Variants in TMEM245 observed in about 807,000 individuals in gnomAD.
The protein encoded by TMEM245 is protein CG-2.
TMEM245 carries 69 observed loss-of-function variants against 101.2 expected under a neutral mutation model. That is an observed-to-expected ratio of 0.68 (90% CI 0.56 to 0.83). The LOEUF is 0.83. Ranked by LOEUF, TMEM245 falls within the 40% of genes least tolerant of loss-of-function variation. The probability of loss-of-function intolerance (pLI) is 0.00; values close to 1 mark genes in which losing one functional copy is unlikely to be tolerated. For missense variants in TMEM245, 1,075 were observed against 1,092.8 expected, an observed-to-expected ratio of 0.98 and a Z score of 0.23; for synonymous variants, 537 against 449.8, an observed-to-expected ratio of 1.19 and a Z score of -2.45.
chr9:109,108,795 G>T (rs986798409), intron 1 of TMEM245, among the ~76,000 whole-genome samples: 7 of 152,084 alleles, frequency 4.6e-5, no homozygotes, highest in African/African-American at 1.7e-4. Flanking sequence ...TTAAATAGTT[G>T]TTTAACAAAA....
At chr9:109,076,336 T>C (rs1588054999) in intron 8 of TMEM245, among the ~76,000 whole-genome samples, 3 of 129,764 alleles carry the variant, frequency 2.3e-5, no homozygotes, top group South Asian at 2.5e-4. Context: ...ACAATGAGAA[T>C]ACATGGACAC....
chr9:109,119,600 C>A lies in TMEM245; in HGVS notation c.314G>T (p.Gly105Val). The A allele has an allele frequency of 6.4e-7, 1 of 1,554,456 alleles. No homozygotes were observed. Among genetic ancestry groups the A allele is most frequent in the Non-Finnish European group, 8.7e-7 (1 of 1,153,860 alleles). The change falls in exon 1 of 18, where the codon GGC becomes GTC. Residue 105 changes from glycine to valine, a missense_variant. Transcript: ENST00000374586. ...HPFKSSLTRL[G>V]RHWLQRLHRA... is the part of the protein sequence containing the mutation. ...GTGCAGGCGCTGCAGCCAGTGGCGG[C>A]CCAGGCGCGTCAGCGAGCTCTTGAA...
In TMEM245 at chr9:109,119,828, G is replaced by A; in HGVS notation, c.86C>T (p.Pro29Leu). The A allele has an allele frequency of 1.5e-6, 2 of 1,364,332 alleles. No individual in the cohort carries two copies. Among genetic ancestry groups the A allele is most frequent in the Non-Finnish European group, 1.9e-6 (2 of 1,068,144 alleles). The allele number at this position is 1,364,332 out of a possible 1,614,324, so 84.5% of individuals were successfully genotyped here. A position where few individuals can be genotyped will look rare whatever the true frequency, so the allele number is the denominator to read the frequency against. ...CGGGGTCTCCCCGCCACCGCCACTC[G>A]GCCCGACCGCGCGCGGGACCCGCGG... ...PAPRVPRAVG[P>L]SGGGGETPRT... is the part of the protein sequence containing the mutation. Residue 29 changes from proline to leucine, a missense_variant, in exon 1 of 18, where the codon CCG becomes CTG. Around this residue, in one of 2 missense-constraint regions of TMEM245, gnomAD observed 808 missense variants for 741.5 expected, o/e 1.09. Transcript: ENST00000374586.
chr9:109,059,199 G>A (rs1267996479), intron 11 of TMEM245, among the ~76,000 whole-genome samples: 1 of 152,124 alleles, frequency 6.6e-6, no homozygotes, highest in Non-Finnish European at 1.5e-5. Flanking sequence ...TACTCACCTA[G>A]ATATTCCCTG....
chr9:109,031,672 T>G (rs977833540), intron 17 of TMEM245, among the ~76,000 whole-genome samples: 1 of 152,176 alleles, frequency 6.6e-6, no homozygotes, highest in Admixed American at 6.5e-5. Flanking sequence ...TACCTTGATA[T>G]GAGTAGTGGT....
chr9:109,119,034 G>A (rs1588088486), intron 1 of TMEM245, among the ~76,000 whole-genome samples: 2 of 152,296 alleles, frequency 1.3e-5, no homozygotes, highest in Middle Eastern at 6.8e-3. Flanking sequence ...GCCATGCTCT[G>A]AGGCCTCTCT....
intron 12 of TMEM245, among the ~76,000 whole-genome samples, chr9:109,050,928 A>G (rs183311960): frequency 1.3e-5 from 2 of 152,196 alleles, no homozygotes; most frequent in East Asian, 3.9e-4. Flanking sequence ...AATTAAAAAC[A>G]TCACTGTTAT....
intron 17 of TMEM245, among the ~76,000 whole-genome samples, chr9:109,032,365 C>CTTTTTTTTCTTTT (rs1827975471): frequency 2.4e-5 from 1 of 40,960 alleles, no homozygotes; most frequent in Non-Finnish European, 4.4e-5. Context: ...ATTTCTTTTC[C>CTTTTTTTTCTTTT]TTTTTTTTTT....
In TMEM245 at chr9:109,114,366, C is replaced by T. The variant is rs528601363; in HGVS notation, c.579+4969G>A. ...GTGTTTAAAAGTAGAACGGTGTCAGCAGTGAATGGCTGACTAACGTCCACT... is the reference window on the plus strand; with the variant it reads ...GTGTTTAAAAGTAGAACGGTGTCAGTAGTGAATGGCTGACTAACGTCCACT... On this transcript the variant is annotated intron_variant, in intron 1 of 17. Transcript: ENST00000374586. Among the ~76,000 whole-genome samples, 9 of 152,316 alleles carry T rather than the reference C, an allele frequency of 5.9e-5. No homozygotes were observed. In the South Asian group the frequency reaches 1.4e-3, roughly 25 times the overall value.
At chr9:109,028,269 G>A (rs141598325) in intron 17 of TMEM245, among the ~76,000 whole-genome samples, 3,525 of 151,858 alleles carry the variant, frequency 0.023, 78 homozygotes, top group Middle Eastern at 0.048. Context: ...GGCCAACATG[G>A]TGAAATCCCA....
intron 15 of TMEM245, among the ~76,000 whole-genome samples, chr9:109,037,729 C>G (rs1236741538): frequency 6.6e-6 from 1 of 152,160 alleles, no homozygotes; most frequent in Non-Finnish European, 1.5e-5. Flanking sequence ...GCCAATTAAA[C>G]CTCTTCTTTA....
At chr9:109,086,157 A>G (rs920527459) in intron 6 of TMEM245, 137 bp from the exon 7 acceptor site, 13 of 820,600 alleles carry the variant, frequency 1.6e-5, no homozygotes, top group Non-Finnish European at 2.6e-5. Flanking sequence ...TAGGGACGGA[A>G]AAACTGTAAC....
chr9:109,106,812 C>T (rs1830437457), intron 2 of TMEM245, among the ~76,000 whole-genome samples: 1 of 152,020 alleles, frequency 6.6e-6, no homozygotes, highest in Non-Finnish European at 1.5e-5. Flanking sequence ...CTCTCAGAGG[C>T]CCCTGGTCAA....
intron 3 of TMEM245, among the ~76,000 whole-genome samples, chr9:109,094,179 G>A (rs1029533032): frequency 9.2e-5 from 14 of 152,158 alleles, no homozygotes; most frequent in Non-Finnish European, 1.8e-4. Context: ...ATTCCTAATA[G>A]GTAGTACCAA....
intron 3 of TMEM245, among the ~76,000 whole-genome samples, chr9:109,103,399 T>C (rs1008634415): frequency 1.3e-4 from 20 of 152,156 alleles, no homozygotes; most frequent in Admixed American, 1.3e-4. Context: ...CTAAGACATA[T>C]ACAAAGAAAA....
At chr9:109,032,365 C>CTTT (rs755399182) in intron 17 of TMEM245, among the ~76,000 whole-genome samples, 1,466 of 40,908 alleles carry the variant, frequency 0.036, 523 homozygotes, top group Non-Finnish European at 0.049. Flanking sequence ...ATTTCTTTTC[C>CTTT]TTTTTTTTTT....
At chr9:109,060,045 AT>A (rs1828963020) in intron 11 of TMEM245, among the ~76,000 whole-genome samples, 1 of 152,232 alleles carries the variant, frequency 6.6e-6, no homozygotes, top group Non-Finnish European at 1.5e-5. Flanking sequence ...TAGTATAAGT[AT>A]TAGAAAATTT....
chr9:109,017,519 G>T lies in TMEM245; in HGVS notation c.*2941C>A, dbSNP rs983015113. The T allele has an allele frequency of 6.6e-6, 1 of 152,174 alleles. No homozygotes were observed. Among genetic ancestry groups the T allele is most frequent in the African/African-American group, 2.4e-5 (1 of 41,428 alleles). The allele number at this position is 152,174 out of a possible 1,614,324, so 9.4% of individuals were successfully genotyped here. On this transcript the variant is annotated 3_prime_UTR_variant, in exon 18 of 18. Coordinates refer to ENST00000374586, the MANE Select transcript of TMEM245 (RefSeq NM_032012.4). Reference sequence around the variant, plus strand: ...CATGCCTTCTCTCTCAGAAAAGAGAGGAGCATACCTGTGTGGAGAGCTTGT... The same window carrying T: ...CATGCCTTCTCTCTCAGAAAAGAGATGAGCATACCTGTGTGGAGAGCTTGT...
rs1830427720 is a variant in TMEM245 at position 109,106,490 on chromosome 9, G to C, written c.799+18C>G. The stretch of plus-strand genomic sequence containing the variant: ...AATACTTCAAAGAGTAGTATTAATA[G>C]AATGCCCTATTTCTTACCAGAAGAC... On this transcript the variant is annotated intron_variant, in intron 3 of 17. Transcript: ENST00000374586. The C allele has an allele frequency of 1.9e-6, 3 of 1,543,054 alleles. No individual in the cohort carries two copies. Among genetic ancestry groups the C allele is most frequent in the Non-Finnish European group, 2.7e-6 (3 of 1,124,086 alleles).
Sources: gnomAD v4.1 joint callset for allele counts (sites outside exome capture counted in the v4.1 genomes callset) on GRCh38, gnomAD v4.1.1 for gene constraint, gnomAD v4.1.1 regional missense constraint, MANE v1.5 for transcripts, NCBI Gene and HGNC (gene_info 2026-07-23, HGNC 2026-07-21) for gene names.